The following BCAS3 variants were observed in gnomAD, a reference collection of about 807,000 sequenced individuals.
BCAS3 encodes the protein BCAS3 microtubule associated cell migration factor.
Under a neutral mutation model 116.1 loss-of-function variants are expected in BCAS3, and 53 were observed. That is an observed-to-expected ratio of 0.46 (90% CI 0.37 to 0.57). The LOEUF (loss-of-function observed/expected upper bound fraction) is 0.57, where lower values mean the gene tolerates loss of function less well. BCAS3 is among the 20% of genes least tolerant of loss of function. BCAS3 has a pLI of 0.00. For missense variants in BCAS3, 917 were observed against 1,165.4 expected (o/e 0.79, Z 3.10); for synonymous variants, 391 against 408.2 (o/e 0.96, Z 0.51).
intron 14 of BCAS3, among the ~76,000 whole-genome samples, chr17:60,963,701 G>A (rs1170241347): frequency 4.6e-5 from 7 of 151,778 alleles, no homozygotes; most frequent in African/African-American, 1.5e-4. Flanking sequence ...GACCACAGGC[G>A]CCTGCCACCA....
At chr17:60,806,063 G>A (rs2144614974) in intron 6 of BCAS3, among the ~76,000 whole-genome samples, 1 of 151,616 alleles carries the variant, frequency 6.6e-6, no homozygotes, top group Admixed American at 6.6e-5. Context: ...TTAAACTAGA[G>A]ATGGGGTTTC....
chr17:60,768,407 C>T (rs985231416), intron 6 of BCAS3, among the ~76,000 whole-genome samples: 5 of 152,124 alleles, frequency 3.3e-5, no homozygotes, highest in African/African-American at 4.8e-5. Context: ...GGCAGAAATA[C>T]GTGAAAAGGC....
chr17:60,955,483 G>T (rs2061081496), intron 14 of BCAS3, among the ~76,000 whole-genome samples: 1 of 150,434 alleles, frequency 6.6e-6, no homozygotes, highest in Admixed American at 6.6e-5. Flanking sequence ...CGACTGCCTG[G>T]TTCAAGCGAT....
chr17:60,770,005 C>T (rs1329891988), intron 6 of BCAS3, among the ~76,000 whole-genome samples: 1 of 152,022 alleles, frequency 6.6e-6, no homozygotes, highest in African/African-American at 2.4e-5. Flanking sequence ...GAACTCCTGA[C>T]CTCAGGATAA....
chr17:61,322,527 C>A (rs75487385), intron 22 of BCAS3, among the ~76,000 whole-genome samples: 13,309 of 152,236 alleles, frequency 0.087, 1,833 homozygotes, highest in African/African-American at 0.29. Flanking sequence ...ATTTCTTCGC[C>A]TCTGAGGCAC....
At chr17:61,330,727 G>A (rs138131602) in intron 22 of BCAS3, among the ~76,000 whole-genome samples, 6,179 of 152,308 alleles carry the variant, frequency 0.041, 174 homozygotes, top group Middle Eastern at 0.11. Flanking sequence ...GTGCACAGAG[G>A]ACTCCGGCAG....
intron 22 of BCAS3, among the ~76,000 whole-genome samples, chr17:61,242,311 A>G (rs920000065): frequency 1.3e-5 from 2 of 151,860 alleles, no homozygotes; most frequent in Non-Finnish European, 2.9e-5. Context: ...CATCAGGAAG[A>G]CAGTGTAAAT....
At chr17:61,072,686 A>T (rs573415159) in intron 19 of BCAS3, among the ~76,000 whole-genome samples, 7 of 151,052 alleles carry the variant, frequency 4.6e-5, no homozygotes, top group African/African-American at 1.5e-4. Flanking sequence ...CAAAAAAAAA[A>T]AAAAAAAAGA....
chr17:60,799,853 C>T (rs564240759), intron 6 of BCAS3, among the ~76,000 whole-genome samples: 4 of 151,250 alleles, frequency 2.6e-5, no homozygotes, highest in South Asian at 2.1e-4. Context: ...AATGAGACAC[C>T]GTGCCTGGCT....
intron 5 of BCAS3, among the ~76,000 whole-genome samples, chr17:60,723,571 A>T (rs913528698): frequency 2.0e-5 from 3 of 152,128 alleles, no homozygotes; most frequent in Non-Finnish European, 4.4e-5. Flanking sequence ...ACAAATAAAT[A>T]TATAGCCATA....
chr17:61,056,339 C>T lies in BCAS3; in HGVS notation c.2029+15447C>T, dbSNP rs957556361. ...TAACTGTGTGGCCTTAGTACAGTGC[C>T]CATGTTATATACTGATAGAAGTCAG... On this transcript the variant is annotated intron_variant, in intron 19 of 23. Transcript: ENST00000407086. The surrounding 1 kb of genome is among the most constrained non-coding windows in gnomAD (Gnocchi z 4.9). Among the ~76,000 whole-genome samples, 1 of 152,026 alleles carries T rather than the reference C, an allele frequency of 6.6e-6. No individual in the cohort carries two copies. The highest frequency in any genetic ancestry group is 2.1e-4 in the South Asian group (1 of 4,826).
chr17:60,684,337 G>T (rs1160619798), intron 3 of BCAS3, among the ~76,000 whole-genome samples: 1 of 152,030 alleles, frequency 6.6e-6, no homozygotes, highest in East Asian at 1.9e-4. Context: ...TCCTATTTAA[G>T]TGTTGCCTGC....
intron 22 of BCAS3, among the ~76,000 whole-genome samples, chr17:61,190,684 T>C (rs1397700058): frequency 6.6e-6 from 1 of 151,122 alleles, no homozygotes; most frequent in Non-Finnish European, 1.5e-5. Context: ...CTCAGCTCAC[T>C]GCACCGACTC....
chr17:61,347,062 A>G lies in BCAS3; in HGVS notation c.2426-21265A>G, dbSNP rs2057540689. ...TTTTCTATAAAATCACTCTCTAAAT[A>G]TTGGATTTTTGTTTTAACAAATTTT... On this transcript the variant is annotated intron_variant, in intron 22 of 23. Transcript: ENST00000407086. This position sits in a 1 kb window ranked among gnomAD's most constrained non-coding sequence, Gnocchi z 4.3. Among the ~76,000 whole-genome samples the G allele has an allele frequency of 6.6e-6, 1 of 152,042 alleles. No homozygotes were observed. The highest frequency in any genetic ancestry group is 2.4e-5 in the African/African-American group (1 of 41,388).
chr17:60,692,936 G>A (rs908996602), intron 4 of BCAS3, among the ~76,000 whole-genome samples: 8 of 149,634 alleles, frequency 5.3e-5, no homozygotes, highest in African/African-American at 2.0e-4. Flanking sequence ...TCACCAAACT[G>A]AAACTAAGTT....
At chr17:61,341,292 G>C (rs1367540237) in intron 22 of BCAS3, among the ~76,000 whole-genome samples, 2 of 152,170 alleles carry the variant, frequency 1.3e-5, no homozygotes, top group African/African-American at 4.8e-5. Flanking sequence ...CTCCCACCCT[G>C]GTCTAAGGGA....
intron 14 of BCAS3, among the ~76,000 whole-genome samples, chr17:60,959,124 G>T (rs2061288618): frequency 6.6e-6 from 1 of 151,872 alleles, no homozygotes; most frequent in Non-Finnish European, 1.5e-5. Flanking sequence ...GGGGAACATA[G>T]AAAGACTCTG....
chr17:61,070,307 C>G (rs772761218), intron 19 of BCAS3: 1 of 1,309,560 alleles, frequency 7.6e-7, no homozygotes, highest in Non-Finnish European at 1.1e-6. Flanking sequence ...GGTTACGATG[C>G]TTTGGATGTT....
chr17:60,852,777 G>A (rs538632781), intron 7 of BCAS3, among the ~76,000 whole-genome samples: 1 of 152,272 alleles, frequency 6.6e-6, no homozygotes, highest in South Asian at 2.1e-4. Flanking sequence ...AGGGCTAAAA[G>A]CTCTAACATT....
Sources: gnomAD v4.1 joint callset for allele counts (sites outside exome capture counted in the v4.1 genomes callset) on GRCh38, gnomAD v4.1.1 for gene constraint, Gnocchi (gnomAD v3.1) non-coding constraint, MANE v1.5 for transcripts, NCBI Gene and HGNC (gene_info 2026-07-23, HGNC 2026-07-21) for gene names.